Variants in PPP1R26 observed in about 807,000 individuals in gnomAD.
PPP1R26 encodes protein phosphatase 1 regulatory subunit 26.
Under a neutral mutation model 67.6 loss-of-function variants are expected in PPP1R26, and 22 were observed. The ratio of observed to expected loss-of-function variants is 0.33; its 90% confidence interval spans 0.23 to 0.46. The LOEUF (loss-of-function observed/expected upper bound fraction) is 0.46. PPP1R26 is among the 20% of genes least tolerant of loss of function. PPP1R26 has a pLI of 1.00. For synonymous variants in PPP1R26, 729 were observed against 717.2 expected, an observed-to-expected ratio of 1.02 and a Z score of -0.26; for missense variants, 1,602 against 1,651.4, an observed-to-expected ratio of 0.97 and a Z score of 0.52.
chr9:135,487,533 C>A lies in PPP1R26; in HGVS notation c.3023C>A (p.Thr1008Asn). The change falls in exon 4 of 4, where the codon ACC becomes AAC. Residue 1008 changes from threonine (T) to asparagine (N), a missense_variant. Physicochemically the swap from Thr to Asn is moderately conservative, Grantham distance 65. This residue lies in a region of PPP1R26 where 740 missense variants were observed against 696.3 expected (regional missense o/e 1.06). Coordinates refer to ENST00000356818, the MANE Select transcript of PPP1R26 (RefSeq NM_014811.5). Reference protein sequence around the residue: ...HMGCGSPSFLTPSPGAERDAG... With the variant: ...HMGCGSPSFLNPSPGAERDAG... ...GGCTGCGGGAGCCCGAGCTTCCTGA[C>A]CCCCAGCCCGGGAGCGGAGAGGGAC... The A allele has an allele frequency of 6.3e-7, 1 of 1,593,458 alleles. No individual in the cohort carries two copies. The highest frequency in any genetic ancestry group is 8.5e-7 in the Non-Finnish European group (1 of 1,171,192).
At position 135,487,846 on chromosome 9, in the gene PPP1R26, G is replaced by A; in HGVS notation, c.3336G>A (p.Gln1112=). The A allele has an allele frequency of 6.3e-7, 1 of 1,595,074 alleles. No individual in the cohort carries two copies. Among genetic ancestry groups the A allele is most frequent in the Non-Finnish European group, 8.5e-7 (1 of 1,172,622 alleles). ...GCCCCCACCTGGGGCTGCCTCTGCAGGGCCCCTCCTTCTCGGCCTTCAGGG... is the reference window on the plus strand; with the variant it reads ...GCCCCCACCTGGGGCTGCCTCTGCAAGGCCCCTCCTTCTCGGCCTTCAGGG... ...LFSPHLGLPL[Q]GPSFSAFREA... is the part of the protein sequence containing the mutation. Residue 1112 remains glutamine (Q), a synonymous_variant, in exon 4 of 4, where the codon CAG becomes CAA. Coordinates refer to ENST00000356818, the MANE Select transcript of PPP1R26 (RefSeq NM_014811.5).
rs1349091791 is a variant in PPP1R26, at chr9:135,485,124, G to A, written c.614G>A (p.Ser205Asn). The change falls in exon 4 of 4, where the codon AGC becomes AAC. Residue 205 changes from serine to asparagine, a missense_variant. By Grantham distance (46) the Ser-to-Asn change is conservative (BLOSUM62 1). This residue lies in a region of PPP1R26 where 680 missense variants were observed against 726.1 expected (regional missense o/e 0.94). Transcript: ENST00000356818. This position sits in a 1 kb window ranked among gnomAD's most constrained non-coding sequence, Gnocchi z 7.2. ...GGGPGSQVGS[S>N]KDQGSASPVS... is the part of the protein sequence containing the mutation. ...GGCCCCGGCAGCCAGGTGGGATCCA[G>A]CAAGGACCAGGGCTCCGCCTCCCCG... 1 of 1,612,752 alleles carries A rather than the reference G, an allele frequency of 6.2e-7. No individual in the cohort carries two copies. Among genetic ancestry groups the A allele is most frequent in the African/African-American group, 1.3e-5 (1 of 74,928 alleles).
At chr9:135,482,075 A>T (rs1002601987) in intron 1 of PPP1R26, among the ~76,000 whole-genome samples, 8 of 152,226 alleles carry the variant, frequency 5.3e-5, no homozygotes, top group Non-Finnish European at 1.0e-4. Flanking sequence ...CGACCTTGTC[A>T]TCTAGTGTAA....
At chr9:135,480,658 C>T in intron 1 of PPP1R26, 1 of 152,692 alleles carries the variant, frequency 6.5e-6, no homozygotes, top group Non-Finnish European at 1.5e-5. Context: ...GCCGGGGCAG[C>T]CGGGAGGGGC....
intron 1 of PPP1R26, among the ~76,000 whole-genome samples, chr9:135,481,243 T>TG (rs1443325290): frequency 7.8e-4 from 93 of 119,790 alleles, no homozygotes; most frequent in African/African-American, 2.4e-3. Context: ...CTTGTTTTTT[T>TG]TTTTTTTTTT....
Position 135,485,590 on chromosome 9 carries a change from C to G in PPP1R26, c.1080C>G (p.Ser360=), listed in dbSNP as rs371937780. ...GTGCGGCACAGGCGTCCGAGGCGTC[C>G]GACTCCAGCAGCGACGATGGCATTG... ...VMSAAQASEA[S]DSSSDDGIEE... The change falls in exon 4 of 4, where the codon TCC becomes TCG. Residue 360 remains serine, a synonymous_variant. Transcript: ENST00000356818. This position sits in a 1 kb window ranked among gnomAD's most constrained non-coding sequence, Gnocchi z 7.2. 1 of 1,613,012 alleles carries G rather than the reference C, an allele frequency of 6.2e-7. No homozygotes were observed.
In PPP1R26 at chr9:135,485,114, G is replaced by T; in HGVS notation, c.604G>T (p.Val202Leu). 6.2e-7 allele frequency: 1 copy of T among 1,612,816 alleles called. No individual in the cohort carries two copies. Among genetic ancestry groups the T allele is most frequent in the Non-Finnish European group, 8.5e-7 (1 of 1,179,834 alleles). ...PGSGGGPGSQVGSSKDQGSAS... is the reference protein window; with the variant it reads ...PGSGGGPGSQLGSSKDQGSAS... ...ATCAGGTGGTGGCCCCGGCAGCCAG[G>T]TGGGATCCAGCAAGGACCAGGGCTC... is the stretch of plus-strand genomic sequence containing the variant. The change falls in exon 4 of 4, where the codon GTG (valine) becomes TTG (leucine). Residue 202 changes from valine (V) to leucine (L), a missense_variant. This residue lies in a region of PPP1R26 where 680 missense variants were observed against 726.1 expected (regional missense o/e 0.94). Coordinates refer to ENST00000356818, the MANE Select transcript of PPP1R26 (RefSeq NM_014811.5). The surrounding 1 kb of genome is among the most constrained non-coding windows in gnomAD (Gnocchi z 7.2).
Position 135,487,926 on chromosome 9 carries a change from A to G in PPP1R26, c.3416A>G (p.Lys1139Arg). 1 of 1,579,952 alleles carries G rather than the reference A, an allele frequency of 6.3e-7. No individual in the cohort carries two copies. The highest frequency in any genetic ancestry group is 8.6e-7 in the Non-Finnish European group (1 of 1,164,260). Reference protein sequence around the residue: ...VFGSPHLLAKKDGGPWPTRKA... With the variant: ...VFGSPHLLAKRDGGPWPTRKA... The stretch of plus-strand genomic sequence containing the variant: ...GGAAGCCCACACTTGCTGGCAAAGA[A>G]GGACGGCGGCCCCTGGCCAACCAGG... Residue 1139 changes from lysine to arginine, a missense_variant, in exon 4 of 4, where the codon AAG becomes AGG. By Grantham distance (26) the Lys-to-Arg change is conservative. Around this residue, in one of 5 missense-constraint regions of PPP1R26, gnomAD observed 740 missense variants for 696.3 expected, o/e 1.06. Coordinates refer to ENST00000356818, the MANE Select transcript of PPP1R26 (RefSeq NM_014811.5).
Position 135,484,971 on chromosome 9 carries a change from G to A in PPP1R26, c.461G>A (p.Gly154Glu). Residue 154 changes from glycine to glutamate, a missense_variant, in exon 4 of 4, where the codon GGG becomes GAG. Physicochemically the swap from Gly to Glu is moderately conservative, Grantham distance 98. This residue lies in a region of PPP1R26 where 680 missense variants were observed against 726.1 expected (regional missense o/e 0.94). Coordinates refer to ENST00000356818, the MANE Select transcript of PPP1R26 (RefSeq NM_014811.5). The part of the protein sequence containing the change: ...KSGAAQPGAG[G>E]AQPGAAQPSR... Reference sequence around the variant, plus strand: ...GGAGCCGCACAGCCCGGGGCCGGCGGGGCCCAGCCAGGTGCAGCCCAGCCT... The same window carrying A: ...GGAGCCGCACAGCCCGGGGCCGGCGAGGCCCAGCCAGGTGCAGCCCAGCCT... 1 of 1,578,370 alleles carries A rather than the reference G, an allele frequency of 6.3e-7. No individual in the cohort carries two copies.
chr9:135,482,982 TC>T (rs1435170672), intron 2 of PPP1R26, among the ~76,000 whole-genome samples, 167 bp downstream of exon 2: 21 of 138,090 alleles, frequency 1.5e-4, no homozygotes, highest in Non-Finnish European at 2.3e-4. Context: ...TCTTTTTCTT[TC>T]TTTCTTTTTT....
At position 135,487,581 on chromosome 9, in the gene PPP1R26, C is replaced by G. The variant is rs1231598672; in HGVS notation, c.3071C>G (p.Thr1024Arg). The change falls in exon 4 of 4, where the codon ACA (threonine) becomes AGA (arginine). Residue 1024 changes from threonine to arginine, a missense_variant. By Grantham distance (71) the Thr-to-Arg change is moderately conservative. Transcript: ENST00000356818. ...ERDAGAQADR[T>R]PPWSDFAHQS... ...GACGCTGGAGCCCAGGCCGACCGCA[C>G]ACCGCCCTGGAGCGACTTCGCCCAC... is the stretch of plus-strand genomic sequence containing the variant. 6.5e-7 allele frequency: 1 copy of G among 1,530,966 alleles called. No individual in the cohort carries two copies. Among genetic ancestry groups the G allele is most frequent in the South Asian group, 1.2e-5 (1 of 80,372 alleles). The allele number at this position is 1,530,966 out of a possible 1,614,324, so 94.8% of individuals were successfully genotyped here.
upstream of PPP1R26, among the ~76,000 whole-genome samples, chr9:135,479,492 C>T (rs1338336225): frequency 6.7e-6 from 1 of 149,580 alleles, no homozygotes; most frequent in Non-Finnish European, 1.5e-5. This position sits in a 1 kb window ranked among gnomAD's most constrained non-coding sequence, Gnocchi z 5.9. Context: ...CAGCACGGGG[C>T]TCGGCCCGGC....
Position 135,486,213 on chromosome 9 carries a change from C to T in PPP1R26, c.1703C>T (p.Pro568Leu), listed in dbSNP as rs1449758790. 69 of 1,612,888 alleles carry T rather than the reference C, an allele frequency of 4.3e-5. No homozygotes were observed. Among genetic ancestry groups the T allele is most frequent in the Non-Finnish European group, 5.3e-5 (62 of 1,180,048 alleles). ...CAGGCTGCCCAGGGTCCACTTTTGC[C>T]GCCTGGCCTCAACAGCCAGACCGGC... ...CPQAAQGPLL[P>L]PGLNSQTGGH... Residue 568 changes from proline (P) to leucine (L), a missense_variant, in exon 4 of 4, where the codon CCG becomes CTG. Pro to Leu is a moderately conservative substitution (Grantham distance 98, BLOSUM62 -3). Around this residue, in one of 5 missense-constraint regions of PPP1R26, gnomAD observed 680 missense variants for 726.1 expected, o/e 0.94. Transcript: ENST00000356818. This position sits in a 1 kb window ranked among gnomAD's most constrained non-coding sequence, Gnocchi z 6.2.
In PPP1R26 at chr9:135,481,536, C is replaced by T. The variant is rs560925827; in HGVS notation, c.-328-1147C>T. Among the ~76,000 whole-genome samples the T allele has an allele frequency of 9.3e-5, 14 of 149,854 alleles. 1 individual carries two copies. Among genetic ancestry groups the T allele is most frequent in the Admixed American group, 4.0e-4 (6 of 15,098 alleles). On this transcript the variant is annotated intron_variant, in intron 1 of 3. Transcript: ENST00000356818. ...GATTACAGGTGTGAGCCACTATCCCCGACCCAGGGGGCTTTTCAAGAATGA... is the reference window on the plus strand; with the variant it reads ...GATTACAGGTGTGAGCCACTATCCCTGACCCAGGGGGCTTTTCAAGAATGA...
Position 135,487,753 on chromosome 9 carries a change from G to C in PPP1R26, c.3243G>C (p.Leu1081=), listed in dbSNP as rs769611358. Residue 1081 remains leucine (L), a synonymous_variant, in exon 4 of 4, where the codon CTG becomes CTC. Coordinates refer to ENST00000356818, the MANE Select transcript of PPP1R26 (RefSeq NM_014811.5). Reference sequence around the variant, plus strand: ...TGCCCCTTGCGGGCTTCTCGCCGCTGCTGTCCACCCAGCTCTTCCACTTTG... The same window carrying C: ...TGCCCCTTGCGGGCTTCTCGCCGCTCCTGTCCACCCAGCTCTTCCACTTTG... ...PSLPLAGFSP[L]LSTQLFHFGK... The C allele has an allele frequency of 2.0e-6, 3 of 1,479,542 alleles. No individual in the cohort carries two copies. The highest frequency in any genetic ancestry group is 2.7e-6 in the Non-Finnish European group (3 of 1,116,636). The allele number at this position is 1,479,542 out of a possible 1,614,324, so 91.7% of individuals were successfully genotyped here. A position where few individuals can be genotyped will look rare whatever the true frequency, so the allele number is the denominator to read the frequency against.
chr9:135,487,495 A>T lies in PPP1R26; in HGVS notation c.2985A>T (p.Gly995=). 1 of 1,610,186 alleles carries T rather than the reference A, an allele frequency of 6.2e-7. No individual in the cohort carries two copies. The highest frequency in any genetic ancestry group is 8.5e-7 in the Non-Finnish European group (1 of 1,179,444). ...GCACCGAGGCAGGAGGCGCCAGAGGAACCTTTCACATGGGCTGCGGGAGCC... is the reference window on the plus strand; with the variant it reads ...GCACCGAGGCAGGAGGCGCCAGAGGTACCTTTCACATGGGCTGCGGGAGCC... The part of the protein sequence containing the change: ...TAGTEAGGAR[G]TFHMGCGSPS... The change falls in exon 4 of 4, where the codon GGA becomes GGT. Residue 995 remains glycine (G), a synonymous_variant. Coordinates refer to ENST00000356818, the MANE Select transcript of PPP1R26 (RefSeq NM_014811.5).
At position 135,482,809 on chromosome 9, in the gene PPP1R26, A is replaced by C; in HGVS notation, c.-202A>C. 2.5e-6 allele frequency: 1 copy of C among 398,424 alleles called. No homozygotes were observed. The highest frequency in any genetic ancestry group is 3.6e-5 in the East Asian group (1 of 28,070). The allele number at this position is 398,424 out of a possible 1,614,324, so 24.7% of individuals were successfully genotyped here. On this transcript the variant is annotated 5_prime_UTR_variant, in exon 2 of 4. Coordinates refer to ENST00000356818, the MANE Select transcript of PPP1R26 (RefSeq NM_014811.5). ...ATCACAGTCAACCTGGACTCACAGA[A>C]TTTCAAGTAATTTCAAGTAATTCTT...
rs2119334615 is a variant in PPP1R26 at position 135,488,694 on chromosome 9, A to G, written c.*554A>G. ...CAGAGCACATCTGAAAACTGCAATC[A>G]CAGCCGTCCGCTGGAAAAACGTTTC... On this transcript the variant is annotated 3_prime_UTR_variant, in exon 4 of 4. Coordinates refer to ENST00000356818, the MANE Select transcript of PPP1R26 (RefSeq NM_014811.5). The G allele has an allele frequency of 6.0e-6, 1 of 167,166 alleles. No individual in the cohort carries two copies. The highest frequency in any genetic ancestry group is 6.5e-5 in the Admixed American group (1 of 15,296). 10.4% of individuals were successfully genotyped at this position (167,166 alleles called of 1,614,324 possible). A position where few individuals can be genotyped will look rare whatever the true frequency, so the allele number is the denominator to read the frequency against.
At chr9:135,481,681 C>T (rs1403130100) in intron 1 of PPP1R26, among the ~76,000 whole-genome samples, 1 of 151,456 alleles carries the variant, frequency 6.6e-6, no homozygotes, top group Non-Finnish European at 1.5e-5. Context: ...TGCAGTGGCG[C>T]GATCTCGGCT....
Sources: gnomAD v4.1 joint callset for allele counts (sites outside exome capture counted in the v4.1 genomes callset) on GRCh38, gnomAD v4.1.1 for gene constraint, gnomAD v4.1.1 regional missense constraint, Gnocchi (gnomAD v3.1) non-coding constraint, MANE v1.5 for transcripts, NCBI Gene and HGNC (gene_info 2026-07-23, HGNC 2026-07-21) for gene names.